The following GSTCD variants were observed in gnomAD, a reference collection of about 807,000 sequenced individuals.
The protein encoded by GSTCD is glutathione S-transferase C-terminal domain containing, also known as glutathione S-transferase C-terminal domain-containing protein.
In GSTCD, 44 loss-of-function variants were observed where a neutral mutation model predicts 68.3. The observed-to-expected ratio is 0.64, with a 90% CI of 0.51 to 0.83. GSTCD has a LOEUF of 0.83. Ranked by LOEUF, GSTCD falls within the 40% of genes least tolerant of loss-of-function variation. The probability of loss-of-function intolerance (pLI) is 0.00; values close to 1 mark genes in which losing one functional copy is unlikely to be tolerated. For synonymous variants in GSTCD, 273 were observed against 255.2 expected, an observed-to-expected ratio of 1.07 and a Z score of -0.67; for missense variants, 739 against 735.9, an observed-to-expected ratio of 1.00 and a Z score of -0.05.
intron 8 of GSTCD, among the ~76,000 whole-genome samples, chr4:105,833,411 C>T (rs1278340335): frequency 1.3e-5 from 2 of 151,306 alleles, no homozygotes; most frequent in Non-Finnish European, 2.9e-5. Flanking sequence ...TGCAGTGAGC[C>T]GAGGTTGTGC....
chr4:105,768,167 A>G (rs1357271215), intron 5 of GSTCD, among the ~76,000 whole-genome samples: 1 of 151,554 alleles, frequency 6.6e-6, no homozygotes, highest in Non-Finnish European at 1.5e-5. Flanking sequence ...AGCTGGGACT[A>G]CAGGCGCCCA....
rs148830950 is a variant in GSTCD at position 105,843,241 on chromosome 4, C to A, written c.1765+1107C>A. On this transcript the variant is annotated intron_variant, in intron 11 of 11. Coordinates refer to ENST00000515279, the MANE Select transcript of GSTCD (RefSeq NM_001370181.1). ...CCTGAGACTCAAGGAGTAAGTGATT[C>A]CTTCTCTTTCTCACTCTCTGCAGCA... Among the ~76,000 whole-genome samples the A allele has an allele frequency of 3.1e-3, 479 of 152,242 alleles. 2 individuals carry two copies. The highest frequency in any genetic ancestry group is 0.011 in the African/African-American group (455 of 41,534).
intron 5 of GSTCD, among the ~76,000 whole-genome samples, chr4:105,741,647 G>T (rs191529278): frequency 1.6e-3 from 251 of 152,280 alleles, no homozygotes; most frequent in African/African-American, 4.7e-3. Flanking sequence ...ACCAACTGAA[G>T]GAGATCTCAC....
At chr4:105,735,925 T>TAAATA (rs1733447199) in intron 5 of GSTCD, among the ~76,000 whole-genome samples, 1 of 152,210 alleles carries the variant, frequency 6.6e-6, no homozygotes, top group Admixed American at 6.5e-5. Flanking sequence ...ACAATGCCAT[T>TAAATA]ATCATACCTA....
chr4:105,730,939 G>T (rs1372936039), intron 5 of GSTCD, among the ~76,000 whole-genome samples: 1 of 152,058 alleles, frequency 6.6e-6, no homozygotes, highest in East Asian at 1.9e-4. Flanking sequence ...GGAAGGGATC[G>T]AGTTTCAGCT....
At chr4:105,836,370 A>G (rs1724119461) in intron 9 of GSTCD, among the ~76,000 whole-genome samples, 1 of 152,114 alleles carries the variant, frequency 6.6e-6, no homozygotes, top group Non-Finnish European at 1.5e-5. Flanking sequence ...CTAAGTTCTC[A>G]CTTTGGTCCA....
intron 5 of GSTCD, among the ~76,000 whole-genome samples, chr4:105,786,848 T>A (rs1481433774): frequency 2.6e-5 from 4 of 152,100 alleles, no homozygotes; most frequent in Admixed American, 2.0e-4. Flanking sequence ...ATAACAAATG[T>A]TGGCCAGAAT....
chr4:105,828,434 G>A (rs528473237), intron 8 of GSTCD, among the ~76,000 whole-genome samples: 22 of 152,124 alleles, frequency 1.4e-4, no homozygotes, highest in African/African-American at 4.8e-4. Flanking sequence ...CTGCAGGCAC[G>A]CTTTTTAAAA....
chr4:105,808,859 T>C (rs765388980), intron 5 of GSTCD, among the ~76,000 whole-genome samples: 16 of 152,070 alleles, frequency 1.1e-4, no homozygotes, highest in Non-Finnish European at 2.2e-4. Flanking sequence ...GCCCAGCAAA[T>C]CCACACTGTG....
chr4:105,730,425 G>T (rs1021176665), intron 5 of GSTCD, among the ~76,000 whole-genome samples: 1 of 152,142 alleles, frequency 6.6e-6, no homozygotes, highest in African/African-American at 2.4e-5. Context: ...ACTTTTTAAT[G>T]ATCACCATTC....
At chr4:105,786,725 A>C (rs916399489) in intron 5 of GSTCD, among the ~76,000 whole-genome samples, 12 of 152,152 alleles carry the variant, frequency 7.9e-5, no homozygotes, top group Admixed American at 2.6e-4. Context: ...GGTAAATACT[A>C]AGCACATGAA....
intron 8 of GSTCD, among the ~76,000 whole-genome samples, chr4:105,832,006 T>C (rs751180373): frequency 1.3e-5 from 2 of 152,216 alleles, no homozygotes; most frequent in Admixed American, 6.5e-5. Flanking sequence ...TTATTGCACG[T>C]AGATTTTTAG....
chr4:105,812,713 C>T (rs1163128308), intron 5 of GSTCD, among the ~76,000 whole-genome samples: 2 of 152,056 alleles, frequency 1.3e-5, no homozygotes, highest in African/African-American at 2.4e-5. Context: ...AACTCCAGCA[C>T]TCCCACCACA....
intron 5 of GSTCD, among the ~76,000 whole-genome samples, chr4:105,759,578 A>G (rs995210857): frequency 3.9e-5 from 6 of 152,334 alleles, no homozygotes; most frequent in African/African-American, 1.4e-4. Flanking sequence ...TTTTATGCCT[A>G]GCTGAGTCAC....
chr4:105,769,947 A>C (rs1734777827), intron 5 of GSTCD, among the ~76,000 whole-genome samples: 1 of 152,008 alleles, frequency 6.6e-6, no homozygotes, highest in Admixed American at 6.6e-5. Context: ...GAATAGAGAT[A>C]CAATATTGTT....
At position 105,840,086 on chromosome 4, in the gene GSTCD, G is replaced by A. The variant is rs1380735214; in HGVS notation, c.1696-1979G>A. ...GCAACCTTTACTGAGTACCTACCAT[G>A]TGCCTTGCCCTTTCAGAACTTGATT... On this transcript the variant is annotated intron_variant, in intron 10 of 11. Coordinates refer to ENST00000515279, the MANE Select transcript of GSTCD (RefSeq NM_001370181.1). 1.6e-5 allele frequency: 6 copies of A among 383,520 alleles called. No homozygotes were observed. In the East Asian group the frequency reaches 4.4e-4, roughly 28 times the overall value. The allele number at this position is 383,520 out of a possible 1,614,324, so 23.8% of individuals were successfully genotyped here. A position where few individuals can be genotyped will look rare whatever the true frequency, so the allele number is the denominator to read the frequency against.
chr4:105,814,465 A>T (rs116034011), intron 5 of GSTCD, among the ~76,000 whole-genome samples: 8,184 of 151,914 alleles, frequency 0.054, 247 homozygotes, highest in Middle Eastern at 0.14. Context: ...ATACAAAAAT[A>T]ACCTGGGCGT....
rs778366533 is a variant in GSTCD at position 105,845,626 on chromosome 4, G to A, written c.*49G>A. The A allele has an allele frequency of 6.3e-7, 1 of 1,599,220 alleles. No individual in the cohort carries two copies. The highest frequency in any genetic ancestry group is 1.7e-5 in the Admixed American group (1 of 59,926). On this transcript the variant is annotated 3_prime_UTR_variant, in exon 12 of 12. Transcript: ENST00000515279. Reference sequence around the variant, plus strand: ...TTTGCCATCCGTCTTCACGTTGGATGCCCAGTGGCATTCAGGAGGTTCTTG... The same window carrying A: ...TTTGCCATCCGTCTTCACGTTGGATACCCAGTGGCATTCAGGAGGTTCTTG...
intron 9 of GSTCD, among the ~76,000 whole-genome samples, chr4:105,834,955 G>C (rs1352505684): frequency 6.6e-6 from 1 of 152,184 alleles, no homozygotes; most frequent in Non-Finnish European, 1.5e-5. Flanking sequence ...TGGAAGTATA[G>C]TGCCTGGGGG....
Sources: allele counts gnomAD v4.1 joint callset (sites outside exome capture counted in the v4.1 genomes callset), GRCh38; gene constraint gnomAD v4.1.1; transcripts MANE v1.5; gene names NCBI Gene and HGNC (gene_info 2026-07-23, HGNC 2026-07-21).